Variants in MYT1L observed in about 807,000 individuals in gnomAD.
MYT1L encodes myelin transcription factor 1 like.
A neutral mutation model predicts 126.7 loss-of-function variants in MYT1L; 12 were observed. That is an observed-to-expected ratio of 0.09 (90% CI 0.06 to 0.15). The LOEUF (loss-of-function observed/expected upper bound fraction) is 0.15. MYT1L is among the 10% of genes least tolerant of loss of function. The pLI, the probability that MYT1L is intolerant of heterozygous loss-of-function variation, is 1.00. For missense variants in MYT1L, 979 were observed against 1,585.2 expected (o/e 0.62, Z 6.49); for synonymous variants, 541 against 604.2 (o/e 0.90, Z 1.53).
intron 3 of MYT1L, among the ~76,000 whole-genome samples, chr2:2,152,203 T>C (rs1382154438): frequency 6.6e-6 from 1 of 152,248 alleles, no homozygotes; most frequent in African/African-American, 2.4e-5. Flanking sequence ...GTTGACCTGA[T>C]CACCTGGGCA....
chr2:1,795,976 G>A lies in MYT1L; in HGVS notation c.3277-3512C>T, dbSNP rs1324285585. Among the ~76,000 whole-genome samples, 3 of 152,160 alleles carry A rather than the reference G, an allele frequency of 2.0e-5. No homozygotes were observed. The East Asian group carries it at 5.8e-4, about 29-fold the overall frequency. On this transcript the variant is annotated intron_variant, in intron 23 of 24. Coordinates refer to ENST00000647738, the MANE Select transcript of MYT1L (RefSeq NM_001303052.2). ...TAGAGAAAGGTCAAATCTAGCCTGG[G>A]GCCTGACATTGAAAGCTAAGACTAA...
At chr2:2,208,264 G>T (rs1559341243) in intron 2 of MYT1L, among the ~76,000 whole-genome samples, 1 of 152,202 alleles carries the variant, frequency 6.6e-6, no homozygotes, top group African/African-American at 2.4e-5. Context: ...GTGAATGTGG[G>T]CTCAGGCTTG....
At chr2:1,850,181 CCCCT>C (rs2043055495) in intron 19 of MYT1L, among the ~76,000 whole-genome samples, 2 of 118,026 alleles carry the variant, frequency 1.7e-5, no homozygotes, top group Admixed American at 1.7e-4. Flanking sequence ...CCTCCCCCTC[CCCCT>C]TCCTTCCTTC....
chr2:1,796,895 C>A (rs2033651734), intron 23 of MYT1L, among the ~76,000 whole-genome samples: 1 of 152,330 alleles, frequency 6.6e-6, no homozygotes, highest in African/African-American at 2.4e-5. Flanking sequence ...CCGTGCCCTG[C>A]ACTTGAGTCC....
intron 21 of MYT1L, among the ~76,000 whole-genome samples, chr2:1,837,748 C>A (rs2041103437): frequency 6.6e-6 from 1 of 151,978 alleles, no homozygotes; most frequent in African/African-American, 2.4e-5. Context: ...GCAGCTGAGG[C>A]CCCTGTCCTC....
At chr2:1,968,950 C>T (rs999588267) in intron 8 of MYT1L, among the ~76,000 whole-genome samples, 1 of 152,164 alleles carries the variant, frequency 6.6e-6, no homozygotes, top group Non-Finnish European at 1.5e-5. Flanking sequence ...GCTTCTGGGG[C>T]ACCCCAGAGC....
intron 18 of MYT1L, among the ~76,000 whole-genome samples, chr2:1,876,596 C>G (rs7583657): frequency 6.6e-6 from 1 of 152,102 alleles, no homozygotes; most frequent in Non-Finnish European, 1.5e-5. Context: ...GGATGCTGTT[C>G]GCCCACACTG....
intron 1 of MYT1L, among the ~76,000 whole-genome samples, chr2:2,318,931 A>C (rs2096114633): frequency 6.6e-6 from 1 of 152,218 alleles, no homozygotes; most frequent in Non-Finnish European, 1.5e-5. Context: ...TGTCTTTTAC[A>C]GGGAGTAATG....
chr2:2,294,889 C>A (rs1052638800), intron 1 of MYT1L, among the ~76,000 whole-genome samples: 4 of 152,202 alleles, frequency 2.6e-5, no homozygotes, highest in African/African-American at 9.6e-5. Context: ...AAGAAGCTAA[C>A]ATTCCGGGTG....
At chr2:2,127,008 G>T (rs566196873) in intron 3 of MYT1L, among the ~76,000 whole-genome samples, 19 of 152,286 alleles carry the variant, frequency 1.2e-4, no homozygotes, top group Non-Finnish European at 2.4e-4. Context: ...AATTCTCTGG[G>T]TTTATGCATT....
intron 21 of MYT1L, among the ~76,000 whole-genome samples, chr2:1,817,378 G>A (rs1317522344): frequency 1.3e-5 from 2 of 152,174 alleles, no homozygotes; most frequent in Admixed American, 6.5e-5. Context: ...CCCACACTGC[G>A]GTTCAGCACC....
intron 18 of MYT1L, among the ~76,000 whole-genome samples, chr2:1,863,196 CA>C (rs2044946880): frequency 6.6e-6 from 1 of 152,136 alleles, no homozygotes; most frequent in Non-Finnish European, 1.5e-5. Flanking sequence ...GTGCCTTAAC[CA>C]AAGATCCCTA....
rs935406978 is a variant in MYT1L, at chr2:1,858,043, T to A, written c.2712-6340A>T. On this transcript the variant is annotated intron_variant, in intron 18 of 24. Transcript: ENST00000647738. ...ATACCCAGCTAATCTTTTGTATTTTTGTAGAGACAGGGGTTTCGCCATGTG... is the reference window on the plus strand; with the variant it reads ...ATACCCAGCTAATCTTTTGTATTTTAGTAGAGACAGGGGTTTCGCCATGTG... 2.0e-5 allele frequency among the ~76,000 whole-genome samples: 3 copies of A among 152,168 alleles called. No homozygotes were observed. The East Asian group carries it at 5.8e-4, about 29-fold the overall frequency.
chr2:1,876,062 G>A (rs2046863865), intron 18 of MYT1L, among the ~76,000 whole-genome samples: 1 of 152,196 alleles, frequency 6.6e-6, no homozygotes, highest in Admixed American at 6.5e-5. Flanking sequence ...GAGGTTGAGG[G>A]CTGCAGTGAT....
At chr2:2,270,562 A>G (rs1180523723) in intron 2 of MYT1L, among the ~76,000 whole-genome samples, 1 of 152,208 alleles carries the variant, frequency 6.6e-6, no homozygotes, top group Non-Finnish European at 1.5e-5. Flanking sequence ...CGAGCAATGA[A>G]AAAATTACAG....
intron 1 of MYT1L, among the ~76,000 whole-genome samples, chr2:2,295,978 CAGAG>C (rs1192577579): frequency 6.6e-6 from 1 of 151,020 alleles, no homozygotes; most frequent in Non-Finnish European, 1.5e-5. Context: ...AGAATAAAGC[CAGAG>C]AGAGAGAGAT....
chr2:1,969,485 G>A (rs1212170932), intron 8 of MYT1L, among the ~76,000 whole-genome samples: 1 of 152,230 alleles, frequency 6.6e-6, no homozygotes, highest in Admixed American at 6.5e-5. Flanking sequence ...CTAAAACCCA[G>A]ATTGCCGGTG....
At chr2:2,227,241 T>C (rs568257395) in intron 2 of MYT1L, among the ~76,000 whole-genome samples, 1 of 152,302 alleles carries the variant, frequency 6.6e-6, no homozygotes, top group South Asian at 2.1e-4. Context: ...TCTGGTCCCA[T>C]GGGATTAAAT....
chr2:1,933,850 T>C (rs1380553733), intron 9 of MYT1L, among the ~76,000 whole-genome samples: 1 of 152,194 alleles, frequency 6.6e-6, no homozygotes, highest in East Asian at 1.9e-4. Flanking sequence ...TTTAACATTA[T>C]TCAGTTGTAA....
Sources: allele counts gnomAD v4.1 joint callset (sites outside exome capture counted in the v4.1 genomes callset), GRCh38; gene constraint gnomAD v4.1.1; transcripts MANE v1.5; gene names NCBI Gene and HGNC (gene_info 2026-07-23, HGNC 2026-07-21).